Variants in COLEC10 observed in about 807,000 individuals in gnomAD.
The protein encoded by COLEC10 is collectin-10.
COLEC10 carries 22 observed loss-of-function variants against 28.4 expected under a neutral mutation model. That is an observed-to-expected ratio of 0.78 (90% CI 0.55 to 1.11). COLEC10 has a LOEUF of 1.11. COLEC10 is among the 50% of genes least tolerant of loss of function. The probability of loss-of-function intolerance (pLI) is 0.00; values close to 1 mark genes in which losing one functional copy is unlikely to be tolerated. For synonymous variants in COLEC10, 125 were observed against 116.1 expected, an observed-to-expected ratio of 1.08 and a Z score of -0.49; for missense variants, 361 against 344.1, an observed-to-expected ratio of 1.05 and a Z score of -0.39.
At chr8:119,070,098 A>G (rs1014276349) in intron 1 of COLEC10, among the ~76,000 whole-genome samples, 1 of 150,976 alleles carries the variant, frequency 6.6e-6, no homozygotes, top group African/African-American at 2.5e-5. Flanking sequence ...CTTATTTCCC[A>G]GACATGGTTT....
At chr8:119,088,959 CT>C (rs11300005) in intron 1 of COLEC10, among the ~76,000 whole-genome samples, 76,811 of 151,830 alleles carry the variant, frequency 0.51, 19,844 homozygotes, top group African/African-American at 0.6. Flanking sequence ...AAGTTCTGTA[CT>C]CAAATTTCTC....
Position 119,076,653 on chromosome 8 carries a change from G to T in COLEC10, c.148+9224G>T, listed in dbSNP as rs78948017. Among the ~76,000 whole-genome samples the T allele has an allele frequency of 5.6e-3, 847 of 152,286 alleles. 19 individuals are homozygous for T. Among genetic ancestry groups the T allele is most frequent in the East Asian group, 0.043 (225 of 5,178 alleles). ...AGGTCATTTATTTGATGCTGCCCAG[G>T]GATAAGTGTATGTGCAAGACATTGT... On this transcript the variant is annotated intron_variant, in intron 1 of 5. Coordinates refer to ENST00000332843, the MANE Select transcript of COLEC10 (RefSeq NM_006438.5).
chr8:118,994,661 C>G (rs1813560962), upstream of COLEC10, among the ~76,000 whole-genome samples: 1 of 152,094 alleles, frequency 6.6e-6, no homozygotes, highest in Non-Finnish European at 1.5e-5. Flanking sequence ...CTCTGGAGTC[C>G]TTACTTGTTG....
At chr8:118,978,446 C>T in the COLEC10 span, among the ~76,000 whole-genome samples, 1 of 152,024 alleles carries the variant, frequency 6.6e-6, no homozygotes, top group Non-Finnish European at 1.5e-5. Flanking sequence ...TTCTTGTTTA[C>T]CATCTGGGGA....
At chr8:118,968,948 T>A in the COLEC10 span, among the ~76,000 whole-genome samples, 1 of 151,806 alleles carries the variant, frequency 6.6e-6, no homozygotes, top group South Asian at 2.1e-4. Flanking sequence ...ATGTCCACAA[T>A]CAATACCCAG....
chr8:119,042,145 G>C (rs1359764675), intron 2 of COLEC10, among the ~76,000 whole-genome samples: 1 of 151,276 alleles, frequency 6.6e-6, no homozygotes, highest in Non-Finnish European at 1.5e-5. Flanking sequence ...TTACAGGAAT[G>C]CACCACCATG....
the COLEC10 span, among the ~76,000 whole-genome samples, chr8:118,961,266 C>A: frequency 6.6e-6 from 1 of 152,192 alleles, no homozygotes. Context: ...GGAACTTGTA[C>A]TCTAGATTCT....
the COLEC10 span, among the ~76,000 whole-genome samples, chr8:118,962,973 C>G: frequency 6.6e-6 from 1 of 152,128 alleles, no homozygotes; most frequent in African/African-American, 2.4e-5. Flanking sequence ...TCTGGGTTTT[C>G]ACGTTCAAGG....
chr8:119,075,956 A>T (rs13274425), intron 1 of COLEC10, among the ~76,000 whole-genome samples: 2 of 130,746 alleles, frequency 1.5e-5, no homozygotes, highest in African/African-American at 5.9e-5. Flanking sequence ...GCTGGAGTGC[A>T]GTGGTGCGAT....
At chr8:118,968,016 G>A in the COLEC10 span, among the ~76,000 whole-genome samples, 4 of 152,166 alleles carry the variant, frequency 2.6e-5, no homozygotes, top group Admixed American at 6.5e-5. Context: ...ACAAGAAAAT[G>A]ACAGTTCTTT....
At chr8:119,090,921 A>G (rs1051942887) in intron 2 of COLEC10, among the ~76,000 whole-genome samples, 5 of 152,210 alleles carry the variant, frequency 3.3e-5, no homozygotes, top group African/African-American at 1.2e-4. Flanking sequence ...ATCAGCAAGT[A>G]TTTTAATATC....
At chr8:118,955,135 G>T in the COLEC10 span, among the ~76,000 whole-genome samples, 2 of 152,162 alleles carry the variant, frequency 1.3e-5, no homozygotes, top group East Asian at 1.9e-4. Context: ...AAAAGGAACA[G>T]AGAAAAAGGA....
the COLEC10 span, among the ~76,000 whole-genome samples, chr8:118,978,971 GATTTT>G: frequency 1.9e-4 from 29 of 151,956 alleles, no homozygotes; most frequent in Non-Finnish European, 3.4e-4. Flanking sequence ...CTTATCTTCT[GATTTT>G]ATTTATGGTG....
chr8:119,103,571 T>G (rs1815881539), intron 4 of COLEC10, among the ~76,000 whole-genome samples: 2 of 152,230 alleles, frequency 1.3e-5, no homozygotes, highest in African/African-American at 2.4e-5. Context: ...TAATCTAGTT[T>G]AGAATTGTCT....
chr8:119,069,205 TA>T (rs759270702), intron 1 of COLEC10, among the ~76,000 whole-genome samples: 2 of 152,022 alleles, frequency 1.3e-5, no homozygotes, highest in East Asian at 1.9e-4. Flanking sequence ...TAAATGCACC[TA>T]AAGCAACATG....
intron 2 of COLEC10, among the ~76,000 whole-genome samples, chr8:119,031,868 A>G (rs1464003002): frequency 6.6e-6 from 1 of 151,314 alleles, no homozygotes; most frequent in East Asian, 1.9e-4. Flanking sequence ...CACATCTTAA[A>G]GAATGAGACC....
chr8:118,962,602 T>C, the COLEC10 span, among the ~76,000 whole-genome samples: 1 of 152,202 alleles, frequency 6.6e-6, no homozygotes, highest in Admixed American at 6.5e-5. Flanking sequence ...TTGTTTTTGT[T>C]TTTGTGGCAA....
chr8:119,100,152 C>A (rs1815795990), intron 3 of COLEC10, among the ~76,000 whole-genome samples: 1 of 152,052 alleles, frequency 6.6e-6, no homozygotes, highest in Admixed American at 6.6e-5. Flanking sequence ...TTTCAAACAC[C>A]TTGCTTTTTT....
chr8:119,106,291 A>C lies in COLEC10; in HGVS notation c.*100A>C. The C allele has an allele frequency of 3.9e-6, 5 of 1,282,090 alleles. No homozygotes were observed. Among genetic ancestry groups the C allele is most frequent in the Non-Finnish European group, 5.4e-6 (5 of 929,430 alleles). The allele number at this position is 1,282,090 out of a possible 1,614,324, so 79.4% of individuals were successfully genotyped here. On this transcript the variant is annotated 3_prime_UTR_variant, in exon 6 of 6. Coordinates refer to ENST00000332843, the MANE Select transcript of COLEC10 (RefSeq NM_006438.5). The stretch of plus-strand genomic sequence containing the variant: ...GATTGTACTACATTTGATCTGAGTC[A>C]ACATAGCTAGAAAATGCTAAACTGA...
Sources: gnomAD v4.1 joint callset for allele counts (sites outside exome capture counted in the v4.1 genomes callset) on GRCh38, gnomAD v4.1.1 for gene constraint, MANE v1.5 for transcripts, NCBI Gene and HGNC (gene_info 2026-07-23, HGNC 2026-07-21) for gene names.